The following PACS1 variants were observed in gnomAD, a reference collection of about 807,000 sequenced individuals.
PACS1 encodes PACS-1.
PACS1 carries 24 observed loss-of-function variants against 115.0 expected under a neutral mutation model. That is an observed-to-expected ratio of 0.21 (90% CI 0.15 to 0.29). The LOEUF (loss-of-function observed/expected upper bound fraction) is 0.29. Among genes scored for constraint, PACS1 ranks in the 10% least tolerant of loss-of-function variants. The pLI, the probability that PACS1 is intolerant of heterozygous loss-of-function variation, is 1.00. For synonymous variants in PACS1, 453 were observed against 504.5 expected (o/e 0.90, Z 1.37); for missense variants, 838 against 1,251.2 (o/e 0.67, Z 4.98).
At chr11:66,094,579 A>G (rs909791935) in intron 1 of PACS1, among the ~76,000 whole-genome samples, 3 of 152,226 alleles carry the variant, frequency 2.0e-5, no homozygotes, top group Non-Finnish European at 4.4e-5. Context: ...AAAAGAGTCC[A>G]GTACCAGATG....
At chr11:66,234,612 C>G (rs934356529) in intron 17 of PACS1, among the ~76,000 whole-genome samples, 11 of 152,292 alleles carry the variant, frequency 7.2e-5, no homozygotes, top group African/African-American at 2.6e-4. Flanking sequence ...CAGGTGCTTT[C>G]TTGAATATCA....
At chr11:66,127,065 G>C (rs1023115798) in intron 1 of PACS1, among the ~76,000 whole-genome samples, 2 of 152,152 alleles carry the variant, frequency 1.3e-5, no homozygotes, top group African/African-American at 2.4e-5. Flanking sequence ...CTCATCATGG[G>C]TTCTCTCTAA....
At chr11:66,147,722 G>A (rs1469007188) in intron 1 of PACS1, among the ~76,000 whole-genome samples, 2 of 152,154 alleles carry the variant, frequency 1.3e-5, no homozygotes, top group African/African-American at 2.4e-5. Flanking sequence ...AGGTTAGGGG[G>A]TAGTGGGAGG....
At chr11:66,240,817 AAG>A (rs1855797237) in intron 21 of PACS1, 2 of 148,862 alleles carry the variant, frequency 1.3e-5, no homozygotes, top group Non-Finnish European at 1.5e-5. Context: ...ATGAGGCAGA[AAG>A]AGAAAAGTCA....
At chr11:66,240,522 C>T (rs924816857) in intron 21 of PACS1, among the ~76,000 whole-genome samples, 3 of 152,176 alleles carry the variant, frequency 2.0e-5, no homozygotes, top group African/African-American at 4.8e-5. Context: ...AAGCCTGCCC[C>T]GGAGCTAGAA....
chr11:66,128,590 CAAGT>C lies in PACS1; in HGVS notation c.356+57749_356+57752del, dbSNP rs60188130. Reference sequence around the variant, plus strand: ...TTTAGAATTAAATTTTAAAATTTAACAAGTGAGTGAGGGCTGGGCACAGTGGCTC... The same window carrying C: ...TTTAGAATTAAATTTTAAAATTTAACGAGTGAGGGCTGGGCACAGTGGCTC... On this transcript the variant is annotated intron_variant, in intron 1 of 23. Coordinates refer to ENST00000320580, the MANE Select transcript of PACS1 (RefSeq NM_018026.4). Among the ~76,000 whole-genome samples the C allele has an allele frequency of 9.4e-3, 1,433 of 152,134 alleles. 20 individuals are homozygous for C. Among genetic ancestry groups the C allele is most frequent in the African/African-American group, 0.032 (1,343 of 41,496 alleles).
intron 1 of PACS1, among the ~76,000 whole-genome samples, chr11:66,151,851 T>C (rs1314262430): frequency 1.3e-5 from 2 of 151,932 alleles, no homozygotes; most frequent in Non-Finnish European, 2.9e-5. Flanking sequence ...AAAGGAAAAA[T>C]AAGTGAACAG....
chr11:66,234,356 C>T (rs570087036), intron 17 of PACS1, 114 bp downstream of exon 17: 9 of 750,418 alleles, frequency 1.2e-5, no homozygotes, highest in African/African-American at 6.9e-5. Flanking sequence ...CTCACCTTCC[C>T]GGTCACTCTG....
intron 1 of PACS1, among the ~76,000 whole-genome samples, chr11:66,074,820 G>T (rs181151325): frequency 2.0e-4 from 31 of 152,066 alleles, no homozygotes; most frequent in South Asian, 4.1e-4. Context: ...ACGCTTGGGG[G>T]CATTTGCCCC....
chr11:66,141,364 T>A (rs1295947541), intron 1 of PACS1, among the ~76,000 whole-genome samples: 1 of 152,090 alleles, frequency 6.6e-6, no homozygotes, highest in Non-Finnish European at 1.5e-5. Context: ...CAATGAAAGC[T>A]CATTGTAGGC....
chr11:66,085,243 C>T (rs933701608), intron 1 of PACS1, among the ~76,000 whole-genome samples: 12 of 152,134 alleles, frequency 7.9e-5, no homozygotes, highest in African/African-American at 2.9e-4. Context: ...ATCAGACAGC[C>T]TGTCTGCACT....
chr11:66,079,022 C>T (rs1158961903), intron 1 of PACS1, among the ~76,000 whole-genome samples: 2 of 152,232 alleles, frequency 1.3e-5, no homozygotes, highest in Non-Finnish European at 2.9e-5. Flanking sequence ...ATTCTCCAGC[C>T]TCAGCCTCCC....
intron 1 of PACS1, chr11:66,120,898 A>G (rs755219433): frequency 9.8e-6 from 4 of 408,390 alleles, no homozygotes; most frequent in African/African-American, 8.3e-5. Flanking sequence ...GGACGTCTTC[A>G]TGAAGTCCCC....
intron 1 of PACS1, among the ~76,000 whole-genome samples, chr11:66,086,974 C>T (rs1649906041): frequency 1.3e-5 from 2 of 152,006 alleles, no homozygotes; most frequent in African/African-American, 4.8e-5. Flanking sequence ...AACAAAAAAC[C>T]TTTTGTTTGG....
chr11:66,081,180 C>T (rs1857469953), intron 1 of PACS1, among the ~76,000 whole-genome samples: 1 of 152,030 alleles, frequency 6.6e-6, no homozygotes, highest in Non-Finnish European at 1.5e-5. Flanking sequence ...ATTCAGTGAG[C>T]TGTGTTCGCA....
At chr11:66,210,237 G>C in intron 2 of PACS1, 125 bp from the exon 3 acceptor site, 1 of 701,532 alleles carries the variant, frequency 1.4e-6, no homozygotes, top group African/African-American at 1.8e-5. Flanking sequence ...GTCTCACTAT[G>C]TTGCCCCAGG....
chr11:66,090,949 T>C (rs1857649771), intron 1 of PACS1, among the ~76,000 whole-genome samples: 1 of 152,194 alleles, frequency 6.6e-6, no homozygotes, highest in East Asian at 1.9e-4. Context: ...GTTTTTACAA[T>C]TTTAATATGG....
chr11:66,172,961 C>A (rs1324111695), intron 1 of PACS1, among the ~76,000 whole-genome samples: 1 of 129,994 alleles, frequency 7.7e-6, no homozygotes, highest in Non-Finnish European at 1.5e-5. Context: ...GGTGACACAG[C>A]GAGACTCTGT....
At chr11:66,171,569 A>G (rs1859737723) in intron 1 of PACS1, among the ~76,000 whole-genome samples, 1 of 147,702 alleles carries the variant, frequency 6.8e-6, no homozygotes. Flanking sequence ...CTCTCATTCC[A>G]TTTTTCTTTT....
Sources: allele counts gnomAD v4.1 joint callset (sites outside exome capture counted in the v4.1 genomes callset), GRCh38; gene constraint gnomAD v4.1.1; transcripts MANE v1.5; gene names NCBI Gene and HGNC (gene_info 2026-07-23, HGNC 2026-07-21).